Variants in SKAP1 observed in about 807,000 individuals in gnomAD.
SKAP1 encodes src kinase-associated phosphoprotein 1.
A neutral mutation model predicts 58.5 loss-of-function variants in SKAP1; 44 were observed. The ratio of observed to expected loss-of-function variants is 0.75; its 90% CI spans 0.59 to 0.97. The LOEUF (loss-of-function observed/expected upper bound fraction) is 0.97, where lower values mean the gene tolerates loss of function less well. Among genes scored for constraint, SKAP1 ranks in the 50% least tolerant of loss-of-function variants. The pLI, the probability that SKAP1 is intolerant of heterozygous loss-of-function variation, is 0.00. For synonymous variants in SKAP1, 127 were observed against 149.7 expected (o/e 0.85, Z 1.11); for missense variants, 390 against 435.2 (o/e 0.90, Z 0.92).
intron 4 of SKAP1, among the ~76,000 whole-genome samples, chr17:48,193,309 C>CT (rs2064575097): frequency 6.6e-6 from 1 of 152,196 alleles, no homozygotes; most frequent in Non-Finnish European, 1.5e-5. Context: ...TCCCAAAGTG[C>CT]TGGGATTACA....
chr17:48,242,225 GA>G (rs2065250466), intron 4 of SKAP1, among the ~76,000 whole-genome samples: 1 of 152,170 alleles, frequency 6.6e-6, no homozygotes, highest in African/African-American at 2.4e-5. Flanking sequence ...TTCTTTAACT[GA>G]ATTAGCTGTA....
intron 4 of SKAP1, among the ~76,000 whole-genome samples, chr17:48,225,693 A>G (rs1196974393): frequency 2.0e-5 from 3 of 152,140 alleles, no homozygotes; most frequent in Non-Finnish European, 4.4e-5. Context: ...GCCTGTTCTA[A>G]CTATGATGCA....
intron 4 of SKAP1, among the ~76,000 whole-genome samples, chr17:48,331,282 AT>A (rs1396070503): frequency 6.5e-4 from 99 of 152,340 alleles, no homozygotes; most frequent in African/African-American, 2.3e-3. Flanking sequence ...TTAAAAAAAA[AT>A]AAGTTTAATT....
Position 48,280,423 on chromosome 17 carries a change from TCTGCACTCCAGCCTGGATGACAGG to T in SKAP1, c.280+65458_280+65481del, listed in dbSNP as rs750020556. Among the ~76,000 whole-genome samples, 841 of 152,168 alleles carry T rather than the reference TCTGCACTCCAGCCTGGATGACAGG, an allele frequency of 5.5e-3. 4 individuals carry two copies. Among genetic ancestry groups the T allele is most frequent in the East Asian group, 0.013 (68 of 5,174 alleles). On this transcript the variant is annotated intron_variant, in intron 4 of 12. Coordinates refer to ENST00000336915, the MANE Select transcript of SKAP1 (RefSeq NM_003726.4). Reference sequence around the variant, plus strand: ...AGGCAGAGGTTGCAGTGAGCCGAGATCTGCACTCCAGCCTGGATGACAGGCTGCACTCCAGCCTGGGTGACAGAG... The same window carrying T: ...AGGCAGAGGTTGCAGTGAGCCGAGATCTGCACTCCAGCCTGGGTGACAGAG...
At chr17:48,144,801 CTT>C (rs1444828976) in intron 11 of SKAP1, among the ~76,000 whole-genome samples, 3 of 152,196 alleles carry the variant, frequency 2.0e-5, no homozygotes, top group Non-Finnish European at 4.4e-5. Flanking sequence ...TCTGATTTCT[CTT>C]TGCCCAGATG....
chr17:48,436,201 A>G, the SKAP1 span, among the ~76,000 whole-genome samples: 1 of 152,092 alleles, frequency 6.6e-6, no homozygotes. Context: ...CTTCTCTAGT[A>G]GCTGGGATTA....
At chr17:48,241,275 G>A (rs1442081563) in intron 4 of SKAP1, among the ~76,000 whole-genome samples, 3 of 152,160 alleles carry the variant, frequency 2.0e-5, no homozygotes, top group Admixed American at 6.5e-5. Context: ...TTTCGGGCAA[G>A]AGGCCTGATG....
chr17:48,171,050 AG>A (rs2064204958), intron 9 of SKAP1, among the ~76,000 whole-genome samples: 1 of 141,386 alleles, frequency 7.1e-6, no homozygotes, highest in Non-Finnish European at 1.5e-5. Flanking sequence ...CCTTTCTCTG[AG>A]CTCATCATAC....
chr17:48,180,137 C>G lies in SKAP1; in HGVS notation c.743G>C (p.Arg248Thr), dbSNP rs760867806. 1 of 1,613,992 alleles carries G rather than the reference C, an allele frequency of 6.2e-7. No individual in the cohort carries two copies. Among genetic ancestry groups the G allele is most frequent in the East Asian group, 2.2e-5 (1 of 44,870 alleles). ...CACACTCCCAGGCAAGATAGTGGGT[C>G]TGCACTGGGAACCACAACTTGGGGA... ...FDSPSCGSQC[R>T]PTILPGSVGI... Residue 248 changes from arginine to threonine, a missense_variant, in exon 9 of 13, where the codon AGA (arginine) becomes ACA (threonine). Arg to Thr is a moderately conservative substitution (Grantham distance 71, BLOSUM62 -1). Transcript: ENST00000336915.
At chr17:48,194,303 C>A (rs1437130758) in intron 4 of SKAP1, among the ~76,000 whole-genome samples, 2 of 152,092 alleles carry the variant, frequency 1.3e-5, no homozygotes, top group Admixed American at 1.3e-4. Context: ...ACCCTTGTAT[C>A]CCACCCACAT....
At chr17:48,301,875 A>C (rs1202640057) in intron 4 of SKAP1, among the ~76,000 whole-genome samples, 5 of 152,210 alleles carry the variant, frequency 3.3e-5, no homozygotes, top group Non-Finnish European at 7.3e-5. Context: ...TACAACTGGC[A>C]TCAGGGCACA....
intron 11 of SKAP1, among the ~76,000 whole-genome samples, chr17:48,154,108 T>TGGAGG (rs2063939349): frequency 6.6e-6 from 1 of 152,130 alleles, no homozygotes; most frequent in African/African-American, 2.4e-5. Flanking sequence ...AAGTAGCCCA[T>TGGAGG]TGAGGAAGTA....
At chr17:48,196,237 G>A (rs1205202273) in intron 4 of SKAP1, among the ~76,000 whole-genome samples, 1 of 152,048 alleles carries the variant, frequency 6.6e-6, no homozygotes, top group Admixed American at 6.6e-5. Flanking sequence ...GGAAAGATTG[G>A]GTCTTCCTAT....
At chr17:48,319,659 T>C (rs2066334529) in intron 4 of SKAP1, among the ~76,000 whole-genome samples, 1 of 152,134 alleles carries the variant, frequency 6.6e-6, no homozygotes. Flanking sequence ...CTGGGCAACA[T>C]GGTGAAACCC....
At chr17:48,414,763 G>A (rs1017821087) in intron 1 of SKAP1, among the ~76,000 whole-genome samples, 5 of 152,124 alleles carry the variant, frequency 3.3e-5, no homozygotes, top group African/African-American at 9.7e-5. Context: ...ACACCCCAGC[G>A]AAAAACTGCT....
intron 4 of SKAP1, among the ~76,000 whole-genome samples, chr17:48,266,513 C>CT (rs67981214): frequency 0.076 from 10,516 of 138,464 alleles, 615 homozygotes; most frequent in South Asian, 0.26. Flanking sequence ...TTCTTACTTT[C>CT]TTTTTTTTTT....
rs1258068163 is a variant in SKAP1, at chr17:48,430,142, G to C, written c.-22C>G. ...GCATTTGGCTGGGCGGGAGAGAGGC[G>C]GGACGGGGCGCGGGCCCTGGTCGGG... is the stretch of plus-strand genomic sequence containing the variant. On this transcript the variant is annotated 5_prime_UTR_variant, in exon 1 of 13. Transcript: ENST00000336915. 8.0e-7 allele frequency: 1 copy of C among 1,255,682 alleles called. No individual in the cohort carries two copies. Among genetic ancestry groups the C allele is most frequent in the African/African-American group, 1.5e-5 (1 of 64,826 alleles). The allele number at this position is 1,255,682 out of a possible 1,614,324, so 77.8% of individuals were successfully genotyped here. A position where few individuals can be genotyped will look rare whatever the true frequency, so the allele number is the denominator to read the frequency against.
chr17:48,238,781 A>G (rs1449052084), intron 4 of SKAP1, among the ~76,000 whole-genome samples: 1 of 152,252 alleles, frequency 6.6e-6, no homozygotes, highest in African/African-American at 2.4e-5. Context: ...GAGCTCCATC[A>G]CATGACTACT....
intron 4 of SKAP1, among the ~76,000 whole-genome samples, chr17:48,336,880 G>T (rs867534878): frequency 6.6e-6 from 1 of 152,082 alleles, no homozygotes; most frequent in African/African-American, 2.4e-5. Context: ...AGTAATTCTA[G>T]TTAACCCTAT....
Sources: allele counts gnomAD v4.1 joint callset (sites outside exome capture counted in the v4.1 genomes callset), GRCh38; gene constraint gnomAD v4.1.1; transcripts MANE v1.5; gene names NCBI Gene and HGNC (gene_info 2026-07-23, HGNC 2026-07-21).